The following MOSMO variants were observed in gnomAD, a reference collection of about 807,000 sequenced individuals.
The protein encoded by MOSMO is modulator of smoothened protein.
MOSMO carries 5 observed loss-of-function variants against 18.4 expected under a neutral mutation model. That is an observed-to-expected ratio of 0.27 (90% confidence interval 0.14 to 0.57). The LOEUF (loss-of-function observed/expected upper bound fraction) is 0.57. MOSMO is among the 20% of genes least tolerant of loss of function. MOSMO has a pLI of 0.92. For missense variants in MOSMO, 138 were observed against 211.8 expected (o/e 0.65, Z 2.16); for synonymous variants, 82 against 82.3 (o/e 1.00, Z 0.02).
intron 1 of MOSMO, among the ~76,000 whole-genome samples, chr16:22,046,840 C>T (rs1042760084): frequency 1.2e-4 from 18 of 152,258 alleles, no homozygotes; most frequent in African/African-American, 3.9e-4. Context: ...TGGATTACGT[C>T]CTCAGATGAC....
chr16:22,051,294 A>G (rs1257825337), intron 1 of MOSMO, among the ~76,000 whole-genome samples: 3 of 151,520 alleles, frequency 2.0e-5, no homozygotes, highest in Non-Finnish European at 4.4e-5. Context: ...AGGCCAAGGC[A>G]GGAGGATCAC....
intron 1 of MOSMO, among the ~76,000 whole-genome samples, chr16:22,063,101 G>A (rs576167825): frequency 1.4e-4 from 22 of 152,222 alleles, no homozygotes; most frequent in East Asian, 5.8e-4. Context: ...TGATCCACCC[G>A]CCTCAGCCTC....
chr16:22,061,001 T>C (rs955376654), intron 1 of MOSMO, among the ~76,000 whole-genome samples: 1 of 151,982 alleles, frequency 6.6e-6, no homozygotes, highest in Non-Finnish European at 1.5e-5. Context: ...ACAGGAAAAA[T>C]GAAAACGGGT....
At position 22,081,964 on chromosome 16, in the gene MOSMO, T is replaced by A. The variant is rs1334783596; in HGVS notation, c.*1084T>A. On this transcript the variant is annotated 3_prime_UTR_variant, in exon 3 of 3. Coordinates refer to ENST00000542527, the MANE Select transcript of MOSMO (RefSeq NM_001164579.2). ...TAAGATCATGTCAAACCTTATAATT[T>A]GGGGAATCTGACACTATTTAAATTA... is the stretch of plus-strand genomic sequence containing the variant. 2 of 152,202 alleles carry A rather than the reference T, an allele frequency of 1.3e-5. No individual in the cohort carries two copies. Among genetic ancestry groups the A allele is most frequent in the African/African-American group, 4.8e-5 (2 of 41,446 alleles). The allele number at this position is 152,202 out of a possible 1,614,324, so 9.4% of individuals were successfully genotyped here.
intron 1 of MOSMO, among the ~76,000 whole-genome samples, chr16:22,017,712 T>C (rs1424594438): frequency 6.6e-6 from 1 of 152,180 alleles, no homozygotes; most frequent in East Asian, 1.9e-4. Context: ...TTAAAACCAT[T>C]TTTCAATAAT....
intron 1 of MOSMO, among the ~76,000 whole-genome samples, chr16:22,045,973 C>T (rs1307780920): frequency 3.3e-5 from 5 of 151,798 alleles, no homozygotes; most frequent in African/African-American, 1.2e-4. Context: ...GTGTGCCGCA[C>T]CCAGTAACTC....
At position 22,065,435 on chromosome 16, in the gene MOSMO, C is replaced by A. The variant is rs372493336; in HGVS notation, c.107-10052C>A. On this transcript the variant is annotated intron_variant, in intron 1 of 2. Coordinates refer to ENST00000542527, the MANE Select transcript of MOSMO (RefSeq NM_001164579.2). Reference sequence around the variant, plus strand: ...TCCCCAGAGCTTCTATTTCAGCAAGCCTGAACTTGCCTTGTGTGTGGTCAT... The same window carrying A: ...TCCCCAGAGCTTCTATTTCAGCAAGACTGAACTTGCCTTGTGTGTGGTCAT... 3.4e-4 allele frequency among the ~76,000 whole-genome samples: 52 copies of A among 152,180 alleles called. 1 individual carries two copies. In the East Asian group the frequency reaches 4.1e-3, roughly 12 times the overall value.
intron 1 of MOSMO, among the ~76,000 whole-genome samples, chr16:22,038,381 T>C (rs117653431): frequency 3.2e-3 from 481 of 152,262 alleles, no homozygotes; most frequent in Non-Finnish European, 4.8e-3. Context: ...ACATCCATCG[T>C]AATGAGAAGG....
chr16:22,083,658 C>G lies in MOSMO; in HGVS notation c.*2778C>G, dbSNP rs755260769. On this transcript the variant is annotated 3_prime_UTR_variant, in exon 3 of 3. Coordinates refer to ENST00000542527, the MANE Select transcript of MOSMO (RefSeq NM_001164579.2). ...GTGCAATCATTTGTCAAACTTTTGT[C>G]TGTTTCATTGTTTTTAGAGTGTGTG... 3 of 453,140 alleles carry G rather than the reference C, an allele frequency of 6.6e-6. No individual in the cohort carries two copies. Among genetic ancestry groups the G allele is most frequent in the Non-Finnish European group, 1.3e-5 (3 of 226,120 alleles). 28.1% of individuals were successfully genotyped at this position (453,140 alleles called of 1,614,324 possible).
In MOSMO at chr16:22,075,553, C is replaced by T; in HGVS notation, c.173C>T (p.Pro58Leu). The T allele has an allele frequency of 6.5e-7, 1 of 1,537,314 alleles. No individual in the cohort carries two copies. Among genetic ancestry groups the T allele is most frequent in the South Asian group, 1.2e-5 (1 of 84,064 alleles). Residue 58 changes from proline (P) to leucine (L), a missense_variant, in exon 2 of 3, where the codon CCT (proline) becomes CTT (leucine). By Grantham distance (98) the Pro-to-Leu change is moderately conservative (BLOSUM62 -3). Transcript: ENST00000542527. ...CATGGACGAGACCGGACGTGCATCC[C>T]TCCCCGGCTTCCCCCGGAGTGGGTC... ...TIHGRDRTCI[P>L]PRLPPEWVTT...
At chr16:22,029,622 A>T (rs529114432) in intron 1 of MOSMO, among the ~76,000 whole-genome samples, 2 of 152,056 alleles carry the variant, frequency 1.3e-5, no homozygotes, top group African/African-American at 2.4e-5. Flanking sequence ...TTAATTAACT[A>T]ATTTATTTAT....
chr16:22,036,581 C>G (rs1479842862), intron 1 of MOSMO, among the ~76,000 whole-genome samples: 1 of 152,172 alleles, frequency 6.6e-6, no homozygotes, highest in East Asian at 1.9e-4. Context: ...ACGAGTAGCT[C>G]GGACTACAGG....
intron 1 of MOSMO, among the ~76,000 whole-genome samples, chr16:22,028,374 T>TG (rs1351923804): frequency 5.3e-5 from 8 of 151,380 alleles, no homozygotes; most frequent in African/African-American, 1.7e-4. Flanking sequence ...TTATGTTTTT[T>TG]TTTTTTAATT....
At chr16:22,076,474 A>G (rs1054228698) in intron 2 of MOSMO, 1 of 152,232 alleles carries the variant, frequency 6.6e-6, no homozygotes, top group Non-Finnish European at 1.5e-5. Context: ...TAAACGTCCT[A>G]CAAATACATA....
chr16:22,026,651 G>A (rs1042047762), intron 1 of MOSMO, among the ~76,000 whole-genome samples: 1 of 152,124 alleles, frequency 6.6e-6, no homozygotes, highest in African/African-American at 2.4e-5. Flanking sequence ...GTGAAATAGC[G>A]GAAATGAGTA....
intron 1 of MOSMO, among the ~76,000 whole-genome samples, chr16:22,059,258 A>G (rs867672538): frequency 6.6e-6 from 1 of 152,218 alleles, no homozygotes. Flanking sequence ...TTCTTGTCCT[A>G]TAAATGGTTG....
At chr16:22,056,864 G>T (rs534713097) in intron 1 of MOSMO, among the ~76,000 whole-genome samples, 1 of 152,068 alleles carries the variant, frequency 6.6e-6, no homozygotes, top group East Asian at 1.9e-4. Flanking sequence ...TTCTATTTAG[G>T]GATACCTTTA....
chr16:22,036,039 G>A (rs986710677), intron 1 of MOSMO, among the ~76,000 whole-genome samples: 11 of 152,026 alleles, frequency 7.2e-5, no homozygotes, highest in South Asian at 2.1e-4. Flanking sequence ...TTGTTTTTGC[G>A]CTTAATTGCT....
At chr16:22,085,263 G>A (rs765395338), downstream of MOSMO, 7 of 152,140 alleles carry the variant, frequency 4.6e-5, no homozygotes, top group Non-Finnish European at 8.8e-5. Context: ...GGGAATTGGA[G>A]GATTAAGACA....
Sources: gnomAD v4.1 joint callset for allele counts (sites outside exome capture counted in the v4.1 genomes callset) on GRCh38, gnomAD v4.1.1 for gene constraint, MANE v1.5 for transcripts, NCBI Gene and HGNC (gene_info 2026-07-23, HGNC 2026-07-21) for gene names.